The following PRKAA2 variants were observed in gnomAD, a reference collection of about 807,000 sequenced individuals.
PRKAA2 encodes the protein 5'-AMP-activated protein kinase catalytic subunit alpha-2.
Under a neutral mutation model 56.3 loss-of-function variants are expected in PRKAA2, and 40 were observed. That is an observed-to-expected ratio of 0.71 (90% CI 0.55 to 0.92). PRKAA2 has a LOEUF of 0.92. Ranked by LOEUF, PRKAA2 falls within the 40% of genes least tolerant of loss-of-function variation. The probability of loss-of-function intolerance (pLI) is 0.00; values close to 1 mark genes in which losing one functional copy is unlikely to be tolerated. For missense variants in PRKAA2, 542 were observed against 686.9 expected (o/e 0.79, Z 2.36); for synonymous variants, 214 against 234.2 (o/e 0.91, Z 0.79).
At position 56,704,173 on chromosome 1, in the gene PRKAA2, C is replaced by T. The variant is rs763667032; in HGVS notation, c.991C>T (p.Arg331Trp). 6.1e-5 allele frequency: 99 copies of T among 1,613,964 alleles called. 1 individual carries two copies. Among genetic ancestry groups the T allele is most frequent in the African/African-American group, 6.7e-5 (5 of 74,918 alleles). Residue 331 changes from arginine to tryptophan, a missense_variant, in exon 7 of 9, where the codon CGG becomes TGG. This residue lies in a region of PRKAA2 where 198 missense variants were observed against 234.0 expected (regional missense o/e 0.85). Transcript: ENST00000371244. The part of the protein sequence containing the change: ...AVAYHLIIDN[R>W]RIMNQASEFY... ...GGCTTATCATCTTATCATTGACAAT[C>T]GGAGAATAATGAACCAAGCCAGTGA...
At chr1:56,703,784 C>T (rs114772111) in intron 6 of PRKAA2, among the ~76,000 whole-genome samples, 187 bp from the exon 7 acceptor site, 1 of 152,302 alleles carries the variant, frequency 6.6e-6, no homozygotes, top group African/African-American at 2.4e-5. Context: ...AATGCCAAGT[C>T]TTAATAACCA....
Position 56,710,710 on chromosome 1 carries a change from T to C in PRKAA2, c.*2997T>C, listed in dbSNP as rs1249137568. ...CTTGTTTCATGACACCTTGGTTTTC[T>C]TAATCATCTTGTATTATTATTTGAG... is the stretch of plus-strand genomic sequence containing the variant. On this transcript the variant is annotated 3_prime_UTR_variant, in exon 9 of 9. Transcript: ENST00000371244. The C allele has an allele frequency of 6.6e-6, 1 of 152,122 alleles. No homozygotes were observed. The highest frequency in any genetic ancestry group is 1.9e-4 in the East Asian group (1 of 5,196). The allele number at this position is 152,122 out of a possible 1,614,324, so 9.4% of individuals were successfully genotyped here. A position where few individuals can be genotyped will look rare whatever the true frequency, so the allele number is the denominator to read the frequency against.
chr1:56,695,914 T>G, intron 5 of PRKAA2, 21 bp from the exon 6 acceptor site: 1 of 1,596,510 alleles, frequency 6.3e-7, no homozygotes, highest in Non-Finnish European at 8.6e-7. Flanking sequence ...TTCAGGTTTG[T>G]GTTGTCATCT....
At chr1:56,662,682 T>C (rs189573816) in intron 1 of PRKAA2, among the ~76,000 whole-genome samples, 188 of 152,340 alleles carry the variant, frequency 1.2e-3, no homozygotes, top group African/African-American at 4.2e-3. Context: ...TTTACAGTCC[T>C]CAGAGTTTAA....
At chr1:56,692,133 G>A (rs1001947961) in intron 3 of PRKAA2, among the ~76,000 whole-genome samples, 6 of 147,406 alleles carry the variant, frequency 4.1e-5, no homozygotes, top group African/African-American at 1.5e-4. Flanking sequence ...CCTGGTACAA[G>A]CAATTCTCGT....
intron 5 of PRKAA2, among the ~76,000 whole-genome samples, chr1:56,695,335 T>C (rs1266118597): frequency 6.6e-6 from 1 of 151,688 alleles, no homozygotes; most frequent in African/African-American, 2.4e-5. Context: ...GGGACTAAGA[T>C]GTGCACCACC....
chr1:56,653,931 A>G (rs1465176064), intron 1 of PRKAA2, among the ~76,000 whole-genome samples: 2 of 152,092 alleles, frequency 1.3e-5, no homozygotes, highest in African/African-American at 4.8e-5. Flanking sequence ...ATCCCATGGT[A>G]TCCATCATAG....
chr1:56,656,438 A>C (rs1643942920), intron 1 of PRKAA2, among the ~76,000 whole-genome samples: 1 of 152,220 alleles, frequency 6.6e-6, no homozygotes, highest in East Asian at 1.9e-4. Flanking sequence ...TATTGTAAAA[A>C]TGACCTGTGA....
At chr1:56,650,193 G>C (rs934769822) in intron 1 of PRKAA2, among the ~76,000 whole-genome samples, 31 of 152,148 alleles carry the variant, frequency 2.0e-4, no homozygotes, top group African/African-American at 7.2e-4. Flanking sequence ...AAATGGAATA[G>C]TTTTAACAGC....
At chr1:56,677,228 A>G (rs561977417) in intron 2 of PRKAA2, among the ~76,000 whole-genome samples, 7 of 152,354 alleles carry the variant, frequency 4.6e-5, no homozygotes, top group Non-Finnish European at 7.3e-5. Context: ...TTAGCAACTT[A>G]TAAACTAATT....
At chr1:56,672,399 G>T (rs546432823) in intron 1 of PRKAA2, among the ~76,000 whole-genome samples, 12 of 152,256 alleles carry the variant, frequency 7.9e-5, no homozygotes, top group Non-Finnish European at 1.5e-4. Context: ...TTACAGGCAT[G>T]AGCTGTCATG....
intron 1 of PRKAA2, among the ~76,000 whole-genome samples, chr1:56,650,690 G>A (rs1351206540): frequency 6.6e-6 from 1 of 152,098 alleles, no homozygotes; most frequent in Non-Finnish European, 1.5e-5. Flanking sequence ...ACCCATATGT[G>A]GTTTATGAAA....
At chr1:56,663,484 T>C (rs1308308276) in intron 1 of PRKAA2, among the ~76,000 whole-genome samples, 1 of 152,216 alleles carries the variant, frequency 6.6e-6, no homozygotes. Flanking sequence ...CAGGATCATA[T>C]TGGAAAAGCC....
chr1:56,704,340 A>G lies in PRKAA2; in HGVS notation c.1158A>G (p.Ala386=). Reference sequence around the variant, plus strand: ...CCAAAGCAAGATGTCCATTGGATGCACTGAATACGACTAAGCCCAAATCTT... The same window carrying G: ...CCAAAGCAAGATGTCCATTGGATGCGCTGAATACGACTAAGCCCAAATCTT... The part of the protein sequence containing the change: ...DSPKARCPLD[A]LNTTKPKSLA... Residue 386 remains alanine (A), a synonymous_variant, in exon 7 of 9, where the codon GCA becomes GCG. Transcript: ENST00000371244. The G allele has an allele frequency of 1.2e-6, 2 of 1,614,174 alleles. No individual in the cohort carries two copies. The highest frequency in any genetic ancestry group is 8.5e-7 in the Non-Finnish European group (1 of 1,180,028).
intron 1 of PRKAA2, among the ~76,000 whole-genome samples, chr1:56,659,576 C>A (rs954058695): frequency 6.6e-6 from 1 of 151,494 alleles, no homozygotes; most frequent in East Asian, 1.9e-4. Flanking sequence ...CACAAATTAA[C>A]GTTTTAAAGA....
At chr1:56,655,634 C>G (rs981008326) in intron 1 of PRKAA2, among the ~76,000 whole-genome samples, 1 of 152,078 alleles carries the variant, frequency 6.6e-6, no homozygotes, top group Non-Finnish European at 1.5e-5. Flanking sequence ...TAGGCCCCAT[C>G]TCCAACATTG....
chr1:56,647,506 GGC>G (rs1216641215), intron 1 of PRKAA2, among the ~76,000 whole-genome samples: 1 of 152,094 alleles, frequency 6.6e-6, no homozygotes, highest in Non-Finnish European at 1.5e-5. Flanking sequence ...TCCAGGCACT[GGC>G]TTCTTAAAAT....
chr1:56,687,492 G>A (rs1409658663), intron 2 of PRKAA2, among the ~76,000 whole-genome samples: 1 of 152,132 alleles, frequency 6.6e-6, no homozygotes, highest in Non-Finnish European at 1.5e-5. Flanking sequence ...GATGACAGCT[G>A]CATTGGGTGA....
At chr1:56,645,621 C>T (rs1646634014) in intron 1 of PRKAA2, 140 bp downstream of exon 1, 1 of 631,370 alleles carries the variant, frequency 1.6e-6, no homozygotes, top group Non-Finnish European at 2.2e-6. Flanking sequence ...GAGCTGGGGC[C>T]CCGGGAGGGT....
Sources: allele counts gnomAD v4.1 joint callset (sites outside exome capture counted in the v4.1 genomes callset), GRCh38; gene constraint gnomAD v4.1.1; regional missense constraint gnomAD v4.1.1; transcripts MANE v1.5; gene names NCBI Gene and HGNC (gene_info 2026-07-23, HGNC 2026-07-21).